Variants in CDK19 observed in about 807,000 individuals in gnomAD.
CDK19 encodes cyclin dependent kinase 19.
Under a neutral mutation model 68.3 loss-of-function variants are expected in CDK19, and 20 were observed. The observed-to-expected ratio is 0.29, with a 90% CI of 0.21 to 0.43. The LOEUF (loss-of-function observed/expected upper bound fraction) is 0.43, where lower values mean the gene tolerates loss of function less well. CDK19 is among the 20% of genes least tolerant of loss of function. The probability of loss-of-function intolerance (pLI) is 1.00; values close to 1 mark genes in which losing one functional copy is unlikely to be tolerated. For synonymous variants in CDK19, 221 were observed against 222.8 expected, an observed-to-expected ratio of 0.99 and a Z score of 0.07; for missense variants, 339 against 623.5, an observed-to-expected ratio of 0.54 and a Z score of 4.86.
At chr6:110,764,018 A>G (rs1365108125) in intron 1 of CDK19, among the ~76,000 whole-genome samples, 3 of 152,182 alleles carry the variant, frequency 2.0e-5, no homozygotes, top group Admixed American at 2.0e-4. Context: ...CAACCCAAAA[A>G]AGAAATATTA....
chr6:110,798,396 A>G (rs1782098188), intron 1 of CDK19, among the ~76,000 whole-genome samples: 1 of 152,082 alleles, frequency 6.6e-6, no homozygotes. Flanking sequence ...AGGCCGAGGC[A>G]AGTGGATCAC....
chr6:110,813,728 T>C (rs1308796302), intron 1 of CDK19: 2 of 152,256 alleles, frequency 1.3e-5, no homozygotes, highest in Non-Finnish European at 2.9e-5. Flanking sequence ...AGTTGTTTTA[T>C]GAAGTTAGTG....
intron 8 of CDK19, 60 bp downstream of exon 8, chr6:110,626,716 C>T (rs1455753767): frequency 6.1e-6 from 6 of 988,926 alleles, no homozygotes; most frequent in Admixed American, 4.7e-5. Context: ...ATAAATTACC[C>T]AGTCTAAGGT....
chr6:110,641,730 A>G (rs2114786536), intron 4 of CDK19, among the ~76,000 whole-genome samples: 1 of 152,092 alleles, frequency 6.6e-6, no homozygotes, highest in Non-Finnish European at 1.5e-5. Flanking sequence ...TCAATATAGA[A>G]AGAAAAATTG....
chr6:110,768,232 A>G (rs778622445), intron 1 of CDK19, among the ~76,000 whole-genome samples: 1 of 152,210 alleles, frequency 6.6e-6, no homozygotes, highest in Non-Finnish European at 1.5e-5. Context: ...CAAAACACTG[A>G]CAACATCAAA....
chr6:110,624,535 G>C (rs1778964299), intron 8 of CDK19, among the ~76,000 whole-genome samples: 1 of 152,058 alleles, frequency 6.6e-6, no homozygotes. Flanking sequence ...TTTTTATAAT[G>C]TCCCTTTGGT....
At chr6:110,629,580 C>T (rs899979417) in intron 6 of CDK19, among the ~76,000 whole-genome samples, 3 of 152,146 alleles carry the variant, frequency 2.0e-5, no homozygotes, top group Non-Finnish European at 2.9e-5. Context: ...GTCTTAACTC[C>T]GGACCTCAAG....
At chr6:110,700,305 T>C (rs1773882452) in intron 2 of CDK19, among the ~76,000 whole-genome samples, 1 of 152,216 alleles carries the variant, frequency 6.6e-6, no homozygotes. Context: ...AAGTGCATAA[T>C]AAATGTAATG....
chr6:110,740,119 AC>A lies in CDK19; in HGVS notation c.204+6006del, dbSNP rs201394237. On this transcript the variant is annotated intron_variant, in intron 2 of 12. Transcript: ENST00000368911. ...CAAAGAAAAAAGTCTAGAAGAATAT[AC>A]AAAAAAAAAATGATTACTTTTGAGT... Among the ~76,000 whole-genome samples, 8 of 9,634 alleles carry A rather than the reference AC, an allele frequency of 8.3e-4. No homozygotes were observed. In the Non-Finnish European group the frequency reaches 0.032, roughly 38 times the overall value. 6.3% of individuals were successfully genotyped at this position (9,634 alleles called of 152,430 possible).
chr6:110,660,432 C>G (rs1299964635), intron 4 of CDK19, among the ~76,000 whole-genome samples: 1 of 152,182 alleles, frequency 6.6e-6, no homozygotes, highest in Non-Finnish European at 1.5e-5. Context: ...CATCTGTAGA[C>G]AGCTTAAGTG....
At chr6:110,715,292 C>T (rs1365669556) in intron 2 of CDK19, among the ~76,000 whole-genome samples, 1 of 152,110 alleles carries the variant, frequency 6.6e-6, no homozygotes, top group Admixed American at 6.5e-5. Flanking sequence ...GTGAAAAAGA[C>T]AACATTATGC....
intron 2 of CDK19, among the ~76,000 whole-genome samples, chr6:110,744,011 G>GT (rs5879078): frequency 0.88 from 99,062 of 113,186 alleles, 44,419 homozygotes; most frequent in Non-Finnish European, 0.93. Flanking sequence ...ACCTCCCCAC[G>GT]TTTTTTTTTT....
chr6:110,641,686 G>GAAGGAAGGAAGGAAGGA (rs1039427056), intron 4 of CDK19, among the ~76,000 whole-genome samples: 3 of 150,824 alleles, frequency 2.0e-5, no homozygotes, highest in Admixed American at 6.6e-5. Flanking sequence ...AGGAAGGAAG[G>GAAGGAAGGAAGGAAGGA]AGGGACAAGG....
intron 2 of CDK19, among the ~76,000 whole-genome samples, chr6:110,691,399 A>C (rs1214889779): frequency 6.6e-6 from 1 of 151,624 alleles, no homozygotes; most frequent in Non-Finnish European, 1.5e-5. Flanking sequence ...GCTTGAACCC[A>C]GGAGGTGGAG....
At chr6:110,800,639 G>T (rs1404495599) in intron 1 of CDK19, among the ~76,000 whole-genome samples, 1 of 152,118 alleles carries the variant, frequency 6.6e-6, no homozygotes, top group Non-Finnish European at 1.5e-5. Context: ...TGCAAGGATG[G>T]TTCAACACAT....
rs1220421095 is a variant in CDK19, at chr6:110,611,098, T to C, written c.*3437A>G. 4 of 152,246 alleles carry C rather than the reference T, an allele frequency of 2.6e-5. No homozygotes were observed. Among genetic ancestry groups the C allele is most frequent in the Non-Finnish European group, 4.4e-5 (3 of 68,050 alleles). 9.4% of individuals were successfully genotyped at this position (152,246 alleles called of 1,614,324 possible). On this transcript the variant is annotated 3_prime_UTR_variant, in exon 13 of 13. Coordinates refer to ENST00000368911, the MANE Select transcript of CDK19 (RefSeq NM_015076.5). The stretch of plus-strand genomic sequence containing the variant: ...TCCTTGGTCTTTGTATGTCACTGCA[T>C]GATCTACTTCATCACAAGGATTGTT...
chr6:110,614,755 G>T, intron 12 of CDK19, 89 bp from the exon 13 acceptor site: 1 of 1,307,068 alleles, frequency 7.7e-7, no homozygotes. Context: ...GATATAAGCC[G>T]TTTTCATTAG....
Position 110,614,911 on chromosome 6 carries a change from C to A in CDK19, c.1378-245G>T, listed in dbSNP as rs9487461. 0.024 allele frequency among the ~76,000 whole-genome samples: 3,591 copies of A among 152,230 alleles called. 142 individuals are homozygous for A. Among genetic ancestry groups the A allele is most frequent in the African/African-American group, 0.082 (3,385 of 41,510 alleles). ...AGATTTTTGTGGGAGATAAGCTACA[C>A]TGGAAAGAAAGGAAAAGGGGAAATT... is the stretch of plus-strand genomic sequence containing the variant. On this transcript the variant is annotated intron_variant, in intron 12 of 12. Transcript: ENST00000368911.
intron 2 of CDK19, among the ~76,000 whole-genome samples, chr6:110,721,100 C>T (rs1023282819): frequency 2.7e-5 from 4 of 150,154 alleles, no homozygotes; most frequent in East Asian, 4.0e-4. Flanking sequence ...ATTAGCTGGT[C>T]GTGGTGACAG....
Sources: gnomAD v4.1 joint callset for allele counts (sites outside exome capture counted in the v4.1 genomes callset) on GRCh38, gnomAD v4.1.1 for gene constraint, MANE v1.5 for transcripts, NCBI Gene and HGNC (gene_info 2026-07-23, HGNC 2026-07-21) for gene names.